Variants in CDON observed in about 807,000 individuals in gnomAD.
CDON encodes cell adhesion associated, oncogene regulated.
Under a neutral mutation model 120.9 loss-of-function variants are expected in CDON, and 73 were observed. The observed-to-expected ratio is 0.60, with a 90% CI of 0.50 to 0.73. The LOEUF is 0.73. Ranked by LOEUF, CDON falls within the 30% of genes least tolerant of loss-of-function variation. The probability of loss-of-function intolerance (pLI) is 0.00; values close to 1 mark genes in which losing one functional copy is unlikely to be tolerated. For synonymous variants in CDON, 566 were observed against 573.5 expected (o/e 0.99, Z 0.19); for missense variants, 1,470 against 1,587.3 (o/e 0.93, Z 1.26).
At chr11:125,978,952 G>A (rs1356994239) in intron 17 of CDON, among the ~76,000 whole-genome samples, 1 of 152,244 alleles carries the variant, frequency 6.6e-6, no homozygotes, top group South Asian at 2.1e-4. Context: ...CTTGGAGGGG[G>A]TGTGTTAATA....
At chr11:126,018,659 C>T (rs1389741419) in intron 4 of CDON, among the ~76,000 whole-genome samples, 186 bp from the exon 5 acceptor site, 1 of 152,100 alleles carries the variant, frequency 6.6e-6, no homozygotes, top group African/African-American at 2.4e-5. Flanking sequence ...GCCTGGAACT[C>T]CTGGACTCAA....
At chr11:125,994,795 T>C in intron 13 of CDON, 76 bp downstream of exon 13, 1 of 1,293,434 alleles carries the variant, frequency 7.7e-7, no homozygotes, top group Non-Finnish European at 1.1e-6. Context: ...GTTTACTGTA[T>C]TGTGTCATGA....
At chr11:125,961,631 G>C (rs773774407) in intron 19 of CDON, 93 bp downstream of exon 19, 14 of 1,544,160 alleles carry the variant, frequency 9.1e-6, no homozygotes, top group Non-Finnish European at 1.1e-5. Context: ...ACTAATCATA[G>C]AGGGGAAACT....
At chr11:126,045,308 G>A (rs1047820359) in intron 1 of CDON, among the ~76,000 whole-genome samples, 5 of 152,304 alleles carry the variant, frequency 3.3e-5, no homozygotes, top group South Asian at 2.1e-4. Context: ...TTACAGGCGT[G>A]AGCCAGCACG....
In CDON at chr11:125,983,903, C is replaced by T; in HGVS notation, c.2964G>A (p.Leu988=). Residue 988 remains leucine (L), a synonymous_variant, in exon 16 of 20, where the codon CTG becomes CTA. Coordinates refer to ENST00000531738, the MANE Select transcript of CDON (RefSeq NM_001378964.1). The part of the protein sequence containing the change: ...LILMVFIAMC[L]WKNRQQNTIQ... ...TGGTATTCTGCTGGCGATTCTTCCA[C>T]AGGCACATTGCAATGAAAACCATCA... The T allele has an allele frequency of 6.2e-7, 1 of 1,613,992 alleles. No individual in the cohort carries two copies. The highest frequency in any genetic ancestry group is 8.5e-7 in the Non-Finnish European group (1 of 1,179,940).
intron 19 of CDON, 69 bp from the exon 20 acceptor site, chr11:125,961,174 ACTT>A: frequency 6.6e-6 from 9 of 1,360,920 alleles, no homozygotes; most frequent in Non-Finnish European, 9.3e-6. Flanking sequence ...CAGTCTAAAA[ACTT>A]CTTCACACTT....
At chr11:125,969,349 A>T (rs1310951164) in intron 18 of CDON, among the ~76,000 whole-genome samples, 1 of 152,268 alleles carries the variant, frequency 6.6e-6, no homozygotes, top group Non-Finnish European at 1.5e-5. Flanking sequence ...TTCCAAAGCA[A>T]TTAGATGATC....
intron 15 of CDON, among the ~76,000 whole-genome samples, chr11:125,987,194 T>C (rs969854291): frequency 1.3e-5 from 2 of 152,202 alleles, no homozygotes; most frequent in Non-Finnish European, 2.9e-5. Context: ...TGAGGACAGA[T>C]GGCTTGCACT....
At chr11:126,011,870 T>C (rs755328911) in intron 7 of CDON, among the ~76,000 whole-genome samples, 1 of 152,356 alleles carries the variant, frequency 6.6e-6, no homozygotes, top group South Asian at 2.1e-4. Flanking sequence ...GTATCTTTTA[T>C]ACAATGTGAG....
chr11:126,058,886 G>C (rs1341676343), intron 1 of CDON, among the ~76,000 whole-genome samples: 1 of 152,134 alleles, frequency 6.6e-6, no homozygotes, highest in African/African-American at 2.4e-5. Context: ...AATGTTTTTG[G>C]CAGATAGATT....
chr11:126,041,799 A>G (rs1412260355), intron 1 of CDON, among the ~76,000 whole-genome samples: 2 of 152,244 alleles, frequency 1.3e-5, no homozygotes, highest in Non-Finnish European at 2.9e-5. Flanking sequence ...AGTCTGCCAC[A>G]ATGCTAATTT....
chr11:126,061,025 T>C (rs1253266213), intron 1 of CDON, among the ~76,000 whole-genome samples: 1 of 152,182 alleles, frequency 6.6e-6, no homozygotes, highest in African/African-American at 2.4e-5. Flanking sequence ...AAGTGAGTTA[T>C]TACACAAACA....
chr11:126,036,173 TATTA>T (rs1410803362), intron 1 of CDON, among the ~76,000 whole-genome samples: 2 of 152,358 alleles, frequency 1.3e-5, no homozygotes, highest in African/African-American at 2.4e-5. Context: ...CATAATCCCT[TATTA>T]ATTATTTTTG....
intron 14 of CDON, among the ~76,000 whole-genome samples, chr11:125,993,631 GA>G: frequency 6.6e-6 from 1 of 152,234 alleles, no homozygotes; most frequent in South Asian, 2.1e-4. Flanking sequence ...AAGGCAACAG[GA>G]ACTACCCTGT....
At chr11:126,033,855 G>C (rs1044537551) in intron 1 of CDON, among the ~76,000 whole-genome samples, 2 of 152,112 alleles carry the variant, frequency 1.3e-5, no homozygotes, top group African/African-American at 4.8e-5. Context: ...GGGGCGTATG[G>C]GGGTTCTTTT....
chr11:126,029,893 CA>C (rs1395214549), intron 1 of CDON, among the ~76,000 whole-genome samples: 1 of 152,174 alleles, frequency 6.6e-6, no homozygotes, highest in Non-Finnish European at 1.5e-5. Context: ...TGCACACACA[CA>C]AACACACAAA....
intron 1 of CDON, among the ~76,000 whole-genome samples, chr11:126,053,472 T>C (rs920842950): frequency 6.6e-6 from 1 of 152,026 alleles, no homozygotes; most frequent in Non-Finnish European, 1.5e-5. Context: ...TAGGATGAAA[T>C]GGGAAGGAGG....
chr11:126,049,338 A>AT lies in CDON; in HGVS notation c.-62+13240dup, dbSNP rs1221878311. On this transcript the variant is annotated intron_variant, in intron 1 of 19. Transcript: ENST00000531738. ...AATCAAATTGCTTGACAGATCGTAGATAAGTAATGACTTGCTTAGGTTAAG... is the reference window on the plus strand; with the variant it reads ...AATCAAATTGCTTGACAGATCGTAGATTAAGTAATGACTTGCTTAGGTTAAG... Among the ~76,000 whole-genome samples the AT allele has an allele frequency of 3.9e-5, 6 of 152,358 alleles. 1 individual carries two copies. Among genetic ancestry groups the AT allele is most frequent in the Non-Finnish European group, 8.8e-5 (6 of 68,032 alleles).
Position 125,959,889 on chromosome 11 carries a change from T to C in CDON, c.*1053A>G, listed in dbSNP as rs1367545367. The C allele has an allele frequency of 6.6e-6, 1 of 152,198 alleles. No homozygotes were observed. Among genetic ancestry groups the C allele is most frequent in the Non-Finnish European group, 1.5e-5 (1 of 68,040 alleles). The allele number at this position is 152,198 out of a possible 1,614,324, so 9.4% of individuals were successfully genotyped here. The stretch of plus-strand genomic sequence containing the variant: ...ATTTTGTTCCTACTCCGAGAAACAG[T>C]CAAAAAGAGCCCATAGTGGCCATTT... On this transcript the variant is annotated 3_prime_UTR_variant, in exon 20 of 20. Transcript: ENST00000531738.
Sources: gnomAD v4.1 joint callset for allele counts (sites outside exome capture counted in the v4.1 genomes callset) on GRCh38, gnomAD v4.1.1 for gene constraint, MANE v1.5 for transcripts, NCBI Gene and HGNC (gene_info 2026-07-23, HGNC 2026-07-21) for gene names.